The following SGCD variants were observed in gnomAD, a reference collection of about 807,000 sequenced individuals.
The protein encoded by SGCD is delta-sarcoglycan.
In SGCD, 18 loss-of-function variants were observed where a neutral mutation model predicts 36.6. The ratio of observed to expected loss-of-function variants is 0.49; its 90% CI spans 0.34 to 0.73. SGCD has a LOEUF of 0.73. Among genes scored for constraint, SGCD ranks in the 30% least tolerant of loss-of-function variants. The probability of loss-of-function intolerance (pLI) is 0.01; values close to 1 mark genes in which losing one functional copy is unlikely to be tolerated. For synonymous variants in SGCD, 133 were observed against 130.6 expected, an observed-to-expected ratio of 1.02 and a Z score of -0.12; for missense variants, 387 against 346.7, an observed-to-expected ratio of 1.12 and a Z score of -0.92.
chr5:156,033,229 T>G (rs927607503), intron 1 of SGCD, among the ~76,000 whole-genome samples: 4 of 152,140 alleles, frequency 2.6e-5, no homozygotes, highest in Non-Finnish European at 4.4e-5. Context: ...CTTCAACAAA[T>G]CTAACAATTA....
chr5:156,620,585 A>C (rs2113495914), intron 6 of SGCD, among the ~76,000 whole-genome samples: 1 of 152,234 alleles, frequency 6.6e-6, no homozygotes, highest in South Asian at 2.1e-4. Flanking sequence ...CCTAGAGGAG[A>C]AATAGGGGGA....
intron 3 of SGCD, among the ~76,000 whole-genome samples, chr5:156,449,150 G>A (rs964367310): frequency 2.0e-5 from 3 of 152,068 alleles, no homozygotes; most frequent in Admixed American, 6.5e-5. Flanking sequence ...TTTGACTGAA[G>A]TCTTCAGCTC....
chr5:156,346,421 C>G (rs1768943121), intron 3 of SGCD, among the ~76,000 whole-genome samples: 1 of 152,138 alleles, frequency 6.6e-6, no homozygotes, highest in Non-Finnish European at 1.5e-5. Context: ...ATTTCAATCC[C>G]TCAAGTAGAT....
intron 6 of SGCD, among the ~76,000 whole-genome samples, chr5:156,601,420 CT>C (rs1219289805): frequency 1.3e-5 from 2 of 152,132 alleles, no homozygotes; most frequent in Non-Finnish European, 2.9e-5. Context: ...TTTTTATCAA[CT>C]TTATGAAAAG....
At chr5:156,031,459 G>A (rs996398375) in intron 1 of SGCD, among the ~76,000 whole-genome samples, 4 of 152,092 alleles carry the variant, frequency 2.6e-5, no homozygotes, top group Non-Finnish European at 4.4e-5. Context: ...GCATCTCATC[G>A]AATGTAAAGG....
chr5:156,367,399 G>A (rs996768964), intron 3 of SGCD, among the ~76,000 whole-genome samples: 1 of 152,168 alleles, frequency 6.6e-6, no homozygotes, highest in African/African-American at 2.4e-5. Context: ...ACAACCTTAA[G>A]AGGTATATGT....
the SGCD span, among the ~76,000 whole-genome samples, chr5:155,756,466 A>G: frequency 1.3e-5 from 2 of 152,050 alleles, no homozygotes; most frequent in Non-Finnish European, 2.9e-5. Flanking sequence ...ACATCCCCCA[A>G]ATTGTTGATA....
intron 1 of SGCD, among the ~76,000 whole-genome samples, chr5:156,056,971 C>T (rs1254662974): frequency 6.9e-6 from 1 of 145,906 alleles, no homozygotes; most frequent in Non-Finnish European, 1.5e-5. Context: ...CTAGCGCATC[C>T]CTAAGTACGT....
chr5:156,030,132 G>A (rs1412569401), intron 1 of SGCD, among the ~76,000 whole-genome samples: 1 of 152,178 alleles, frequency 6.6e-6, no homozygotes, highest in Non-Finnish European at 1.5e-5. Context: ...ATAGGAATGA[G>A]CTAGAGTGCT....
At chr5:155,847,858 G>A in the SGCD span, among the ~76,000 whole-genome samples, 1 of 152,194 alleles carries the variant, frequency 6.6e-6, no homozygotes, top group Non-Finnish European at 1.5e-5. Context: ...CCTAATTCTT[G>A]ACTAGTGGAA....
chr5:156,332,825 G>C (rs1183281793), intron 2 of SGCD, among the ~76,000 whole-genome samples: 2 of 152,174 alleles, frequency 1.3e-5, no homozygotes, highest in Non-Finnish European at 2.9e-5. Context: ...GGAGTAATAA[G>C]AGAATTTTCT....
upstream of SGCD, among the ~76,000 whole-genome samples, chr5:155,866,591 C>T (rs184284333): frequency 1.3e-5 from 2 of 152,172 alleles, no homozygotes; most frequent in Non-Finnish European, 2.9e-5. Context: ...ATTACTATGG[C>T]TCTGTAATGA....
chr5:155,794,807 A>T, the SGCD span, among the ~76,000 whole-genome samples: 5 of 152,188 alleles, frequency 3.3e-5, no homozygotes, highest in African/African-American at 1.2e-4. Flanking sequence ...AAAAATATTT[A>T]CTCAAATTCT....
At chr5:156,074,273 C>T (rs1415878926) in intron 1 of SGCD, among the ~76,000 whole-genome samples, 3 of 152,060 alleles carry the variant, frequency 2.0e-5, no homozygotes, top group Admixed American at 2.0e-4. Flanking sequence ...ATATAGGGAA[C>T]TGATGGGATT....
chr5:156,639,912 TG>T (rs1273077710), intron 6 of SGCD, among the ~76,000 whole-genome samples: 1 of 152,082 alleles, frequency 6.6e-6, no homozygotes, highest in African/African-American at 2.4e-5. Context: ...CTTAAAATTC[TG>T]ACATTGGCTC....
intron 1 of SGCD, among the ~76,000 whole-genome samples, chr5:156,328,516 C>T (rs1580825809): frequency 6.6e-6 from 1 of 152,306 alleles, no homozygotes; most frequent in East Asian, 1.9e-4. Flanking sequence ...ATAGAAGAGC[C>T]TGAAGTTAAT....
rs553563306 is a variant in SGCD, at chr5:156,618,167, A to G, written c.502+23116A>G. Reference sequence around the variant, plus strand: ...GTTTCTCAGATAGGGTAGTGAAAATAGAATAGTCCAAACCTTGATGCCTGG... The same window carrying G: ...GTTTCTCAGATAGGGTAGTGAAAATGGAATAGTCCAAACCTTGATGCCTGG... On this transcript the variant is annotated intron_variant, in intron 6 of 8. Transcript: ENST00000337851. Among the ~76,000 whole-genome samples the G allele has an allele frequency of 2.8e-4, 42 of 152,328 alleles. No homozygotes were observed. In the South Asian group the frequency reaches 8.7e-3, roughly 32 times the overall value.
At chr5:156,446,388 A>G (rs1019208855) in intron 3 of SGCD, among the ~76,000 whole-genome samples, 1 of 152,168 alleles carries the variant, frequency 6.6e-6, no homozygotes, top group African/African-American at 2.4e-5. Flanking sequence ...GAAAATTCTG[A>G]TGGACCTTAG....
At chr5:155,776,091 T>C in the SGCD span, among the ~76,000 whole-genome samples, 1 of 152,184 alleles carries the variant, frequency 6.6e-6, no homozygotes, top group Non-Finnish European at 1.5e-5. Context: ...TTATATGATG[T>C]TATTAGAACT....
Sources: gnomAD v4.1 joint callset for allele counts (sites outside exome capture counted in the v4.1 genomes callset) on GRCh38, gnomAD v4.1.1 for gene constraint, MANE v1.5 for transcripts, NCBI Gene and HGNC (gene_info 2026-07-23, HGNC 2026-07-21) for gene names.